The following ABCC1 variants were observed in gnomAD, a reference collection of about 807,000 sequenced individuals.
ABCC1 encodes the protein multidrug resistance-associated protein 1.
A neutral mutation model predicts 172.9 loss-of-function variants in ABCC1; 83 were observed. That is an observed-to-expected ratio of 0.48 (90% CI 0.40 to 0.58). The LOEUF (loss-of-function observed/expected upper bound fraction) is 0.58, where lower values mean the gene tolerates loss of function less well. Among genes scored for constraint, ABCC1 ranks in the 20% least tolerant of loss-of-function variants. The probability of loss-of-function intolerance (pLI) is 0.00; values close to 1 mark genes in which losing one functional copy is unlikely to be tolerated. For missense variants in ABCC1, 1,817 were observed against 2,002.7 expected, an observed-to-expected ratio of 0.91 and a Z score of 1.77; for synonymous variants, 937 against 825.2, an observed-to-expected ratio of 1.14 and a Z score of -2.32.
chr16:15,997,131 G>A (rs1423558701), intron 1 of ABCC1, among the ~76,000 whole-genome samples: 5 of 143,812 alleles, frequency 3.5e-5, no homozygotes, highest in African/African-American at 7.8e-5. Context: ...TCGCTCTATC[G>A]CCCAGGCTGG....
intron 1 of ABCC1, among the ~76,000 whole-genome samples, chr16:15,983,020 A>G (rs2046662466): frequency 6.6e-6 from 1 of 152,118 alleles, no homozygotes; most frequent in African/African-American, 2.4e-5. Context: ...AAGGTAACAT[A>G]TACAGTATAA....
intron 7 of ABCC1, among the ~76,000 whole-genome samples, chr16:16,043,220 C>CCGTTTTTT (rs1437069469): frequency 9.7e-5 from 9 of 93,166 alleles, no homozygotes; most frequent in African/African-American, 5.4e-4. Context: ...GCTGGCTGGA[C>CCGTTTTTT]TGTTTTTTTT....
intron 8 of ABCC1, among the ~76,000 whole-genome samples, chr16:16,045,054 T>C (rs1226261214): frequency 6.6e-6 from 1 of 152,152 alleles, no homozygotes; most frequent in Non-Finnish European, 1.5e-5. Flanking sequence ...GGGGAGGATA[T>C]GGCATTGTCT....
chr16:16,028,361 C>T (rs887249641), intron 5 of ABCC1, among the ~76,000 whole-genome samples: 5 of 152,106 alleles, frequency 3.3e-5, no homozygotes, highest in Admixed American at 1.3e-4. Context: ...TTTGCAGCTC[C>T]GTCCGCGGCA....
Position 16,141,363 on chromosome 16 carries a change from A to G in ABCC1, c.*82A>G. On this transcript the variant is annotated 3_prime_UTR_variant, in exon 31 of 31. Transcript: ENST00000399410. ...GAGGAGTCAGTACCCCTGGTAAACC[A>G]AGCCTCCCACACTGAAACCAAAACA... 1.5e-6 allele frequency: 2 copies of G among 1,334,890 alleles called. No individual in the cohort carries two copies. The highest frequency in any genetic ancestry group is 2.1e-6 in the Non-Finnish European group (2 of 944,762). 82.7% of individuals were successfully genotyped at this position (1,334,890 alleles called of 1,614,324 possible). A position where few individuals can be genotyped will look rare whatever the true frequency, so the allele number is the denominator to read the frequency against.
intron 16 of ABCC1, among the ~76,000 whole-genome samples, chr16:16,080,656 A>G (rs2050770834): frequency 6.6e-6 from 1 of 152,232 alleles, no homozygotes; most frequent in African/African-American, 2.4e-5. Context: ...AGCGTGGGAA[A>G]TAATGCATAC....
chr16:16,119,911 G>A (rs2045076568), intron 23 of ABCC1, among the ~76,000 whole-genome samples: 1 of 152,132 alleles, frequency 6.6e-6, no homozygotes, highest in South Asian at 2.1e-4. Context: ...CATGCAGAGG[G>A]GTCTGGATTT....
At chr16:16,003,569 TGGTA>T (rs1182852287) in intron 1 of ABCC1, among the ~76,000 whole-genome samples, 2 of 135,254 alleles carry the variant, frequency 1.5e-5, no homozygotes, top group African/African-American at 2.8e-5. Context: ...GTGAATGAAT[TGGTA>T]GGTGGGTAGG....
At chr16:16,029,244 A>G (rs1166929297) in intron 5 of ABCC1, among the ~76,000 whole-genome samples, 1 of 152,050 alleles carries the variant, frequency 6.6e-6, no homozygotes, top group African/African-American at 2.4e-5. Context: ...TTTATTTTTG[A>G]GACAGGGTCT....
intron 27 of ABCC1, among the ~76,000 whole-genome samples, chr16:16,133,277 C>T (rs977480515): frequency 3.3e-5 from 5 of 152,188 alleles, no homozygotes; most frequent in Admixed American, 6.5e-5. Flanking sequence ...ACTGTTCCTA[C>T]GTACCTCCCA....
chr16:16,138,286 C>T, intron 29 of ABCC1, 78 bp from the exon 30 acceptor site: 1 of 1,419,654 alleles, frequency 7.0e-7, no homozygotes, highest in Non-Finnish European at 9.5e-7. Flanking sequence ...CCTTTCGCTT[C>T]TCCCAGCCTG....
chr16:16,020,157 A>C (rs1020388434), intron 5 of ABCC1, among the ~76,000 whole-genome samples: 3 of 152,114 alleles, frequency 2.0e-5, no homozygotes, highest in Non-Finnish European at 4.4e-5. Context: ...CCTGACTTCA[A>C]GTGATCCGCC....
intron 1 of ABCC1, among the ~76,000 whole-genome samples, chr16:15,954,855 TG>T (rs1462683910): frequency 6.6e-6 from 1 of 152,182 alleles, no homozygotes; most frequent in Non-Finnish European, 1.5e-5. Flanking sequence ...TCTCTCTATG[TG>T]GGTGTCTCCC....
chr16:15,949,165 C>A (rs45492100), upstream of ABCC1, among the ~76,000 whole-genome samples: 1,486 of 152,216 alleles, frequency 9.8e-3, 6 homozygotes, highest in Non-Finnish European at 0.017. Flanking sequence ...GGGAATCACT[C>A]AACCTCTCTG....
At chr16:15,993,544 T>A (rs2046947099) in intron 1 of ABCC1, among the ~76,000 whole-genome samples, 1 of 152,052 alleles carries the variant, frequency 6.6e-6, no homozygotes, top group South Asian at 2.1e-4. Context: ...AGTGCTACTA[T>A]CATCTAGTGG....
intron 10 of ABCC1, 116 bp from the exon 11 acceptor site, chr16:16,052,608 C>A: frequency 1.1e-6 from 1 of 893,192 alleles, no homozygotes; most frequent in Non-Finnish European, 1.8e-6. Flanking sequence ...AAGTAACACA[C>A]CTTGCCCTGA....
At chr16:16,093,979 CTTTTTTTTT>C (rs578261751) in intron 19 of ABCC1, among the ~76,000 whole-genome samples, 2 of 106,656 alleles carry the variant, frequency 1.9e-5, no homozygotes, top group African/African-American at 7.9e-5. Flanking sequence ...TCCCTCTCTC[CTTTTTTTTT>C]TTTTTTTTTT....
Position 16,134,370 on chromosome 16 carries a change from G to C in ABCC1, c.3987G>C (p.Thr1329=), listed in dbSNP as rs746302119. ...GGEKVGIVGR[T]GAGKSSLTLG... is the part of the protein sequence containing the mutation. ...TGCAGGTCGGCATCGTGGGGCGGACGGGAGCTGGGAAGTCGTCCCTGACCC... is the reference window on the plus strand; with the variant it reads ...TGCAGGTCGGCATCGTGGGGCGGACCGGAGCTGGGAAGTCGTCCCTGACCC... Residue 1329 remains threonine, a synonymous_variant, in exon 28 of 31, where the codon ACG becomes ACC. Transcript: ENST00000399410. The C allele has an allele frequency of 1.9e-6, 3 of 1,613,954 alleles. No homozygotes were observed. The African/African-American group carries it at 4.0e-5, about 22-fold the overall frequency.
At chr16:16,008,531 T>A (rs2047644433) in intron 2 of ABCC1, among the ~76,000 whole-genome samples, 1 of 151,354 alleles carries the variant, frequency 6.6e-6, no homozygotes, top group Non-Finnish European at 1.5e-5. Flanking sequence ...AGTTGGCTTT[T>A]ATTTTGAAAT....
Sources: gnomAD v4.1 joint callset for allele counts (sites outside exome capture counted in the v4.1 genomes callset) on GRCh38, gnomAD v4.1.1 for gene constraint, MANE v1.5 for transcripts, NCBI Gene and HGNC (gene_info 2026-07-23, HGNC 2026-07-21) for gene names.